The following CDIN1 variants were observed in gnomAD, a reference collection of about 807,000 sequenced individuals.
CDIN1 encodes the protein CDAN1 interacting nuclease 1, also known as CDAN1-interacting nuclease 1.
Under a neutral mutation model 45.3 loss-of-function variants are expected in CDIN1, and 33 were observed. The ratio of observed to expected loss-of-function variants is 0.73; its 90% CI spans 0.55 to 0.97. The LOEUF (loss-of-function observed/expected upper bound fraction) is 0.97. Among genes scored for constraint, CDIN1 ranks in the 50% least tolerant of loss-of-function variants. The probability of loss-of-function intolerance (pLI) is 0.00; values close to 1 mark genes in which losing one functional copy is unlikely to be tolerated. For synonymous variants in CDIN1, 118 were observed against 124.4 expected, an observed-to-expected ratio of 0.95 and a Z score of 0.34; for missense variants, 303 against 339.4, an observed-to-expected ratio of 0.89 and a Z score of 0.84.
chr15:36,664,389 G>A (rs1181274940), intron 5 of CDIN1, among the ~76,000 whole-genome samples: 1 of 152,158 alleles, frequency 6.6e-6, no homozygotes, highest in East Asian at 1.9e-4. Flanking sequence ...AATTATTCAA[G>A]TGTTTATTTA....
At chr15:36,613,549 G>C in intron 1 of CDIN1, 1 of 1,514,928 alleles carries the variant, frequency 6.6e-7, no homozygotes, top group Non-Finnish European at 9.1e-7. Flanking sequence ...ATGCAGAGGA[G>C]TGAGCTGAGC....
rs149222188 is a variant in CDIN1 at position 36,774,163 on chromosome 15, T to TGTGTGTGTGC, written c.717-34160_717-34159insTGTGTGTGCG. Among the ~76,000 whole-genome samples, 482 of 143,140 alleles carry TGTGTGTGTGC rather than the reference T, an allele frequency of 3.4e-3. 1 individual carries two copies. Among genetic ancestry groups the TGTGTGTGTGC allele is most frequent in the African/African-American group, 0.011 (421 of 37,730 alleles). The allele number at this position is 143,140 out of a possible 152,430, so 93.9% of individuals were successfully genotyped here. On this transcript the variant is annotated intron_variant, in intron 10 of 10. Transcript: ENST00000566621. ...GTGTGTGTGTGTGTGTGTGTGTGTG[T>TGTGTGTGTGC]GCGCGCGCGCGCATGCATGAGGGGA...
intron 10 of CDIN1, among the ~76,000 whole-genome samples, chr15:36,793,159 G>A (rs1566977394): frequency 6.6e-6 from 1 of 152,080 alleles, no homozygotes; most frequent in Non-Finnish European, 1.5e-5. Context: ...AGGGCCTTCT[G>A]CATAGCTCTC....
intron 10 of CDIN1, among the ~76,000 whole-genome samples, chr15:36,751,229 T>TTTTATATA (rs568110101): frequency 3.1e-5 from 3 of 97,612 alleles, no homozygotes; most frequent in African/African-American, 1.3e-4. Context: ...TATGCTTATT[T>TTTTATATA]TATATATATA....
chr15:36,736,546 A>G (rs1317993918), intron 10 of CDIN1, among the ~76,000 whole-genome samples: 1 of 152,188 alleles, frequency 6.6e-6, no homozygotes, highest in East Asian at 1.9e-4. Flanking sequence ...TTGCATAAAC[A>G]TTCTCTAATT....
chr15:36,716,455 C>G (rs1245916750), intron 10 of CDIN1, among the ~76,000 whole-genome samples: 1 of 152,106 alleles, frequency 6.6e-6, no homozygotes, highest in Non-Finnish European at 1.5e-5. Flanking sequence ...CCCAAGAATA[C>G]AGAGTCTATT....
At chr15:36,775,886 A>G (rs926563639) in intron 10 of CDIN1, among the ~76,000 whole-genome samples, 9 of 152,206 alleles carry the variant, frequency 5.9e-5, no homozygotes, top group African/African-American at 2.2e-4. Flanking sequence ...TACTGTATAT[A>G]TGTATGTACG....
At chr15:36,660,753 C>T (rs1201706827) in intron 5 of CDIN1, among the ~76,000 whole-genome samples, 1 of 152,156 alleles carries the variant, frequency 6.6e-6, no homozygotes, top group Non-Finnish European at 1.5e-5. Context: ...TGCTTAGCCT[C>T]ACAACAAAAC....
chr15:36,598,576 C>G (rs915253796), intron 1 of CDIN1, among the ~76,000 whole-genome samples: 1 of 152,044 alleles, frequency 6.6e-6, no homozygotes, highest in African/African-American at 2.4e-5. Context: ...TCCTGGAGAC[C>G]TGCCCCCAGA....
At chr15:36,669,235 T>C (rs2041359681) in intron 5 of CDIN1, 1 of 152,126 alleles carries the variant, frequency 6.6e-6, no homozygotes, top group Admixed American at 6.5e-5. Flanking sequence ...TATCTGCATA[T>C]GCACTATTGA....
chr15:36,604,116 T>G (rs1012153606), intron 1 of CDIN1, among the ~76,000 whole-genome samples: 1 of 152,126 alleles, frequency 6.6e-6, no homozygotes, highest in Non-Finnish European at 1.5e-5. Context: ...GGTGTGATCT[T>G]AAAATTGGGC....
intron 10 of CDIN1, among the ~76,000 whole-genome samples, chr15:36,789,520 T>C (rs1224503524): frequency 6.6e-6 from 1 of 152,176 alleles, no homozygotes; most frequent in Non-Finnish European, 1.5e-5. Flanking sequence ...GAAAAAAAGG[T>C]TGGTCAACAG....
At chr15:36,677,446 A>G (rs2041687320) in intron 5 of CDIN1, among the ~76,000 whole-genome samples, 1 of 152,170 alleles carries the variant, frequency 6.6e-6, no homozygotes, top group East Asian at 1.9e-4. Flanking sequence ...CTCACCACCA[A>G]TAATAAACTT....
intron 10 of CDIN1, among the ~76,000 whole-genome samples, chr15:36,773,599 G>A (rs1264616970): frequency 6.6e-6 from 1 of 152,180 alleles, no homozygotes; most frequent in African/African-American, 2.4e-5. Flanking sequence ...CAGCCTTAAA[G>A]TATGGGATGA....
intron 10 of CDIN1, among the ~76,000 whole-genome samples, chr15:36,745,313 G>T (rs1452806453): frequency 6.6e-6 from 1 of 151,968 alleles, no homozygotes; most frequent in Non-Finnish European, 1.5e-5. Flanking sequence ...GATAAGTACT[G>T]AACTTTTAAA....
At chr15:36,788,749 A>T (rs918467126) in intron 10 of CDIN1, among the ~76,000 whole-genome samples, 1 of 152,196 alleles carries the variant, frequency 6.6e-6, no homozygotes, top group African/African-American at 2.4e-5. Context: ...TGTTTACAAG[A>T]TAAGATGCAA....
chr15:36,680,476 A>T (rs1355995141), intron 5 of CDIN1, among the ~76,000 whole-genome samples: 2 of 152,190 alleles, frequency 1.3e-5, no homozygotes, highest in Non-Finnish European at 2.9e-5. Flanking sequence ...GAAATGATAG[A>T]CAAAATTTTT....
chr15:36,746,669 C>CCA lies in CDIN1; in HGVS notation c.716+36736_716+36737dup, dbSNP rs34320677. On this transcript the variant is annotated intron_variant, in intron 10 of 10. Coordinates refer to ENST00000566621, the MANE Select transcript of CDIN1 (RefSeq NM_001321759.2). ...GCATATCATATATAAATATATGGTT[C>CCA]CACACACACACACACACACACACAC... Among the ~76,000 whole-genome samples the CCA allele has an allele frequency of 9.6e-3, 1,365 of 141,492 alleles. 11 individuals carry two copies. Among genetic ancestry groups the CCA allele is most frequent in the African/African-American group, 0.021 (785 of 36,686 alleles). The allele number at this position is 141,492 out of a possible 152,430, so 92.8% of individuals were successfully genotyped here.
At chr15:36,752,661 T>G (rs2053506201) in intron 10 of CDIN1, among the ~76,000 whole-genome samples, 1 of 152,218 alleles carries the variant, frequency 6.6e-6, no homozygotes, top group African/African-American at 2.4e-5. Flanking sequence ...TCATTTCTAC[T>G]CATCTCTTGA....
Sources: allele counts gnomAD v4.1 joint callset (sites outside exome capture counted in the v4.1 genomes callset), GRCh38; gene constraint gnomAD v4.1.1; transcripts MANE v1.5; gene names NCBI Gene and HGNC (gene_info 2026-07-23, HGNC 2026-07-21).